PRKCD: variants seen among roughly 807,000 people sequenced by gnomAD.
PRKCD encodes protein kinase C delta type.
In PRKCD, 20 loss-of-function variants were observed where a neutral mutation model predicts 82.2. The ratio of observed to expected loss-of-function variants is 0.24; its 90% CI spans 0.17 to 0.35. PRKCD has a LOEUF of 0.35. Among genes scored for constraint, PRKCD ranks in the 10% least tolerant of loss-of-function variants. PRKCD has a pLI of 1.00. For synonymous variants in PRKCD, 317 were observed against 337.0 expected, an observed-to-expected ratio of 0.94 and a Z score of 0.65; for missense variants, 607 against 899.0, an observed-to-expected ratio of 0.68 and a Z score of 4.15.
chr3:53,188,231 A>C (rs1703786560), intron 15 of PRKCD, among the ~76,000 whole-genome samples: 1 of 140,148 alleles, frequency 7.1e-6, no homozygotes, highest in Non-Finnish European at 1.5e-5. Context: ...AGCGAGCTGC[A>C]TGCTGCCATA....
intron 1 of PRKCD, among the ~76,000 whole-genome samples, chr3:53,162,002 C>T (rs574644595): frequency 5.3e-5 from 8 of 151,898 alleles, no homozygotes; most frequent in African/African-American, 1.9e-4. Context: ...CGCCGGGCCT[C>T]GCCTCCCGCC....
chr3:53,191,184 C>CTGAGG (rs1158621849), intron 18 of PRKCD, among the ~76,000 whole-genome samples: 1 of 152,092 alleles, frequency 6.6e-6, no homozygotes, highest in East Asian at 1.9e-4. Context: ...GGCAGATCAC[C>CTGAGG]TGAGGTCAGG....
chr3:53,168,325 G>A (rs1559615657), intron 2 of PRKCD, among the ~76,000 whole-genome samples: 1 of 152,252 alleles, frequency 6.6e-6, no homozygotes, highest in South Asian at 2.1e-4. Flanking sequence ...GGTCAGCACA[G>A]TTAGGGTTGG....
chr3:53,170,006 T>A (rs1440055964), intron 2 of PRKCD, among the ~76,000 whole-genome samples: 4 of 152,114 alleles, frequency 2.6e-5, no homozygotes, highest in African/African-American at 9.7e-5. Flanking sequence ...TTTCTCAATA[T>A]CCCCAAAGTG....
intron 18 of PRKCD, among the ~76,000 whole-genome samples, chr3:53,191,072 AG>A (rs782440287): frequency 3.2e-4 from 49 of 152,306 alleles, no homozygotes; most frequent in Middle Eastern, 3.4e-3. Flanking sequence ...AGTTTTCAAA[AG>A]AAGCTGGAAA....
At chr3:53,181,363 C>T in intron 5 of PRKCD, 81 bp from the exon 6 acceptor site, 2 of 1,608,742 alleles carry the variant, frequency 1.2e-6, no homozygotes, top group Admixed American at 1.7e-5. Context: ...GCAGAGCTGT[C>T]CAGGACCACC....
chr3:53,188,608 G>A (rs1441531496), intron 15 of PRKCD, 112 bp from the exon 16 acceptor site: 1 of 1,373,980 alleles, frequency 7.3e-7, no homozygotes, highest in Admixed American at 2.1e-5. Flanking sequence ...TCATTCCCTT[G>A]TACCCTTGGG....
rs782769318 is a variant in PRKCD, at chr3:53,178,554, G to A, written c.115+17G>A. ...TCAGCACAGGTAGGCCTGGAGGCTG[G>A]ACCCTGGAGAGGGGCTGGGAATCTG... On this transcript the variant is annotated intron_variant, in intron 3 of 18. Coordinates refer to ENST00000330452, the MANE Select transcript of PRKCD (RefSeq NM_006254.4). The A allele has an allele frequency of 6.2e-6, 10 of 1,604,768 alleles. No homozygotes were observed. Among genetic ancestry groups the A allele is most frequent in the Non-Finnish European group, 6.8e-6 (8 of 1,174,718 alleles).
At position 53,186,022 on chromosome 3, in the gene PRKCD, G is replaced by A. The variant is rs369078144; in HGVS notation, c.1081G>A (p.Gly361Arg). The change falls in exon 12 of 19, where the codon GGG (glycine) becomes AGG (arginine). Residue 361 changes from glycine to arginine, a missense_variant. This residue lies in a region of PRKCD where 251 missense variants were observed against 423.9 expected (regional missense o/e 0.59). Transcript: ENST00000330452. ...CAAGGTCCTGGGCAAAGGCAGCTTC[G>A]GGAAGGTGAGGGCTGTGAGCCGGGC... Reference protein sequence around the residue: ...FHKVLGKGSFGKVLLGELKGR... With the variant: ...FHKVLGKGSFRKVLLGELKGR... The A allele has an allele frequency of 1.9e-6, 3 of 1,614,160 alleles. No individual in the cohort carries two copies. Among genetic ancestry groups the A allele is most frequent in the Non-Finnish European group, 2.5e-6 (3 of 1,180,008 alleles).
At chr3:53,179,875 G>A in intron 4 of PRKCD, 99 bp downstream of exon 4, 2 of 1,445,440 alleles carry the variant, frequency 1.4e-6, no homozygotes, top group South Asian at 1.3e-5. Flanking sequence ...GGCTTGGTCA[G>A]TGAGCACAGC....
chr3:53,182,198 GCTCTACCA>G (rs1206997650), intron 7 of PRKCD, among the ~76,000 whole-genome samples: 1 of 152,192 alleles, frequency 6.6e-6, no homozygotes, highest in Non-Finnish European at 1.5e-5. Flanking sequence ...TTGAATCCCA[GCTCTACCA>G]CTTCCTAGCT....
At position 53,185,664 on chromosome 3, in the gene PRKCD, G is replaced by A. The variant is rs55929201; in HGVS notation, c.949G>A (p.Glu317Lys). The A allele has an allele frequency of 1.3e-4, 202 of 1,612,664 alleles. No individual in the cohort carries two copies. Among genetic ancestry groups the A allele is most frequent in the Non-Finnish European group, 1.6e-4 (192 of 1,180,022 alleles). Residue 317 changes from glutamate to lysine, a missense_variant, in exon 11 of 19, where the codon GAG becomes AAG. Transcript: ENST00000330452. ...GCCTGTTGGGATATATCAGGGTTTC[G>A]AGAAGAAGACCGGAGTTGCTGGGGA... is the stretch of plus-strand genomic sequence containing the variant. ...SEPVGIYQGF[E>K]KKTGVAGEDM...
chr3:53,166,223 C>T (rs551592311), intron 2 of PRKCD, among the ~76,000 whole-genome samples: 1 of 152,284 alleles, frequency 6.6e-6, no homozygotes, highest in East Asian at 1.9e-4. Flanking sequence ...TGGGACAGAA[C>T]AGGAGCAGTC....
rs982499152 is a variant in PRKCD, at chr3:53,183,487, C to T, written c.693C>T (p.His231=). The stretch of plus-strand genomic sequence containing the variant: ...AACGCTTCAACATCGACATGCCGCA[C>T]CGCTTCAAGGTTCACAACTACATGA... The part of the protein sequence containing the change: ...QKERFNIDMP[H]RFKVHNYMSP... Residue 231 remains histidine, a synonymous_variant, in exon 9 of 19, where the codon CAC becomes CAT. Transcript: ENST00000330452. 69 of 1,614,120 alleles carry T rather than the reference C, an allele frequency of 4.3e-5. 1 individual carries two copies. The highest frequency in any genetic ancestry group is 5.5e-5 in the Non-Finnish European group (65 of 1,180,042).
At chr3:53,182,784 C>G (rs1042365961) in intron 7 of PRKCD, among the ~76,000 whole-genome samples, 1 of 152,168 alleles carries the variant, frequency 6.6e-6, no homozygotes, top group African/African-American at 2.4e-5. Flanking sequence ...ATTTAGGAGC[C>G]GTTTGCTATC....
chr3:53,181,344 C>T (rs1336015741), intron 5 of PRKCD, 77 bp downstream of exon 5: 1 of 1,606,994 alleles, frequency 6.2e-7, no homozygotes, highest in African/African-American at 1.3e-5. Context: ...AGGGAAGCTG[C>T]TCCCTTCGGC....
At chr3:53,181,963 G>A (rs1553667726) in intron 7 of PRKCD, 1 of 715,656 alleles carries the variant, frequency 1.4e-6, no homozygotes, top group Admixed American at 2.0e-5. Flanking sequence ...CGGGGAGTTG[G>A]TGGATGGCAA....
At chr3:53,164,020 A>G (rs2107215448) in intron 1 of PRKCD, among the ~76,000 whole-genome samples, 1 of 152,310 alleles carries the variant, frequency 6.6e-6, no homozygotes, top group South Asian at 2.1e-4. Context: ...AAAAAGATAA[A>G]GCCAAGGATG....
chr3:53,165,666 G>C lies in PRKCD; in HGVS notation c.-20+451G>C, dbSNP rs146702007. Among the ~76,000 whole-genome samples, 549 of 152,320 alleles carry C rather than the reference G, an allele frequency of 3.6e-3. 3 individuals are homozygous for C. The highest frequency in any genetic ancestry group is 0.012 in the African/African-American group (504 of 41,564). On this transcript the variant is annotated intron_variant, in intron 2 of 18. Transcript: ENST00000330452. ...GTGGGTTGGACACTGCAGGGGGATG[G>C]AATGGGGTCTCCAGCTCCAGGTACA...
Sources: gnomAD v4.1 joint callset for allele counts (sites outside exome capture counted in the v4.1 genomes callset) on GRCh38, gnomAD v4.1.1 for gene constraint, gnomAD v4.1.1 regional missense constraint, MANE v1.5 for transcripts, NCBI Gene and HGNC (gene_info 2026-07-23, HGNC 2026-07-21) for gene names.